Variants in PCDHGA7 observed in about 807,000 individuals in gnomAD.
PCDHGA7 encodes protocadherin gamma-A7.
Under a neutral mutation model 58.3 loss-of-function variants are expected in PCDHGA7, and 44 were observed. The observed-to-expected ratio is 0.75, with a 90% confidence interval of 0.59 to 0.97. PCDHGA7 has a LOEUF of 0.97. Among genes scored for constraint, PCDHGA7 ranks in the 50% least tolerant of loss-of-function variants. The probability of loss-of-function intolerance (pLI) is 0.00; values close to 1 mark genes in which losing one functional copy is unlikely to be tolerated. For synonymous variants in PCDHGA7, 516 were observed against 504.2 expected, an observed-to-expected ratio of 1.02 and a Z score of -0.31; for missense variants, 1,266 against 1,188.7, an observed-to-expected ratio of 1.06 and a Z score of -0.96.
chr5:141,489,254 C>T lies in PCDHGA7; in HGVS notation c.2425-5553C>T, dbSNP rs2099684538. 2 of 1,548,628 alleles carry T rather than the reference C, an allele frequency of 1.3e-6. No homozygotes were observed. Among genetic ancestry groups the T allele is most frequent in the African/African-American group, 1.4e-5 (1 of 73,008 alleles). ...GACTTCTGGGTCATGGGGCCCAAGA[C>T]ACTCCCACAGCTCGCTGGGAAATGG... is the stretch of plus-strand genomic sequence containing the variant. On this transcript the variant is annotated intron_variant, in intron 1 of 3. Transcript: ENST00000518325. This position sits in a 1 kb window ranked among gnomAD's most constrained non-coding sequence, Gnocchi z 4.5.
At chr5:141,389,778 G>A (rs886099464) in intron 1 of PCDHGA7, 3 of 1,613,134 alleles carry the variant, frequency 1.9e-6, no homozygotes, top group Non-Finnish European at 2.5e-6. Flanking sequence ...TGCCTTAGGC[G>A]ACAGGGACGC....
At chr5:141,410,419 T>TC (rs769125626) in intron 1 of PCDHGA7, 49 of 1,613,886 alleles carry the variant, frequency 3.0e-5, no homozygotes, top group Non-Finnish European at 3.6e-5. Context: ...GACCTGTAGT[T>TC]CCCCCCAACT....
Position 141,485,138 on chromosome 5 carries a change from T to A in PCDHGA7, c.2425-9669T>A, listed in dbSNP as rs374309554. On this transcript the variant is annotated intron_variant, in intron 1 of 3. Coordinates refer to ENST00000518325, the MANE Select transcript of PCDHGA7 (RefSeq NM_018920.4). This position sits in a 1 kb window ranked among gnomAD's most constrained non-coding sequence, Gnocchi z 5.7. ...TTGGGGCGGGTCGGCTTCATCCGCG[T>A]CTCAGGAGCAAGTAGAGAATTAGCG... is the stretch of plus-strand genomic sequence containing the variant. 17 of 1,528,690 alleles carry A rather than the reference T, an allele frequency of 1.1e-5. No individual in the cohort carries two copies. The highest frequency in any genetic ancestry group is 1.3e-5 in the Non-Finnish European group (14 of 1,109,458). 94.7% of individuals were successfully genotyped at this position (1,528,690 alleles called of 1,614,324 possible).
chr5:141,408,053 TC>T, intron 1 of PCDHGA7: 1 of 1,288,090 alleles, frequency 7.8e-7, no homozygotes, highest in South Asian at 1.6e-5. Context: ...ACACAGAGCC[TC>T]CCGGCTGCGC....
At chr5:141,405,403 T>A (rs1430892971) in intron 1 of PCDHGA7, 2 of 1,586,108 alleles carry the variant, frequency 1.3e-6, no homozygotes, top group Non-Finnish European at 1.7e-6. Flanking sequence ...TCTTTCTTTC[T>A]TTTCTTTTTT....
At chr5:141,404,315 G>T (rs775576610) in intron 1 of PCDHGA7, 2 of 1,613,886 alleles carry the variant, frequency 1.2e-6, no homozygotes, top group African/African-American at 2.7e-5. Context: ...TTTCTCTCAA[G>T]CCTCCTACTC....
chr5:141,431,790 C>T lies in PCDHGA7; in HGVS notation c.2424+46467C>T, dbSNP rs2097417829. On this transcript the variant is annotated intron_variant, in intron 1 of 3. Transcript: ENST00000518325. This position sits in a 1 kb window ranked among gnomAD's most constrained non-coding sequence, Gnocchi z 4.8. The stretch of plus-strand genomic sequence containing the variant: ...ACTGTTCTGGACGTGAACGACAATG[C>T]CCCAGAAGTGGTCCTCACCTCTCTC... 4.3e-6 allele frequency: 7 copies of T among 1,614,186 alleles called. No individual in the cohort carries two copies. The highest frequency in any genetic ancestry group is 5.9e-6 in the Non-Finnish European group (7 of 1,180,016).
chr5:141,455,254 G>T (rs936599726), intron 1 of PCDHGA7, among the ~76,000 whole-genome samples: 3 of 151,732 alleles, frequency 2.0e-5, no homozygotes, highest in African/African-American at 7.3e-5. Context: ...TAGTACAATC[G>T]CATTTCTTCC....
At chr5:141,508,033 C>A (rs1596123382) in intron 3 of PCDHGA7, 1 of 152,290 alleles carries the variant, frequency 6.6e-6, no homozygotes, top group Non-Finnish European at 1.5e-5. Flanking sequence ...GTTTGCAGCT[C>A]AGCCAGCTGT....
At chr5:141,478,256 A>G in intron 1 of PCDHGA7, 6 of 1,614,126 alleles carry the variant, frequency 3.7e-6, no homozygotes, top group Non-Finnish European at 5.1e-6. Flanking sequence ...CGGAGTAATC[A>G]TATTCAAAGT....
rs1461617825 is a variant in PCDHGA7, at chr5:141,431,902, G to A, written c.2424+46579G>A. On this transcript the variant is annotated intron_variant, in intron 1 of 3. Coordinates refer to ENST00000518325, the MANE Select transcript of PCDHGA7 (RefSeq NM_018920.4). This position sits in a 1 kb window ranked among gnomAD's most constrained non-coding sequence, Gnocchi z 4.8. ...ACCAAGATTCTGAGGAAAACGGACA[G>A]GTGATCTGTTTCATCCAAGGAAATC... 1.2e-6 allele frequency: 2 copies of A among 1,613,764 alleles called. No homozygotes were observed. The highest frequency in any genetic ancestry group is 1.3e-5 in the African/African-American group (1 of 74,918).
At chr5:141,393,589 C>T (rs1050679940) in intron 1 of PCDHGA7, 2 of 1,613,920 alleles carry the variant, frequency 1.2e-6, no homozygotes, top group Non-Finnish European at 1.7e-6. Flanking sequence ...CCCCCAGGCA[C>T]GCGGCTGCTT....
chr5:141,403,787 T>A (rs1213408515), intron 1 of PCDHGA7: 3 of 1,613,818 alleles, frequency 1.9e-6, no homozygotes, highest in Non-Finnish European at 2.5e-6. Flanking sequence ...AAAAGTGGCA[T>A]ACAAATTCTG....
In PCDHGA7 at chr5:141,486,661, G is replaced by T. The variant is rs373446844; in HGVS notation, c.2425-8146G>T. ...CGCTTATCTCCTACTCACTCCTGGA[G>T]CCCAGGAATCGAGATGTATCAGCTT... is the stretch of plus-strand genomic sequence containing the variant. On this transcript the variant is annotated intron_variant, in intron 1 of 3. Transcript: ENST00000518325. The surrounding 1 kb of genome is among the most constrained non-coding windows in gnomAD (Gnocchi z 5.0). 6.2e-6 allele frequency: 10 copies of T among 1,613,836 alleles called. No individual in the cohort carries two copies. Among genetic ancestry groups the T allele is most frequent in the African/African-American group, 4.0e-5 (3 of 74,918 alleles).
chr5:141,410,671 C>G (rs771368781), intron 1 of PCDHGA7: 1 of 1,563,260 alleles, frequency 6.4e-7, no homozygotes, highest in South Asian at 1.2e-5. Context: ...ACTAGTTTCT[C>G]ATATTTTAGG....
At chr5:141,470,900 G>A (rs1454085317) in intron 1 of PCDHGA7, among the ~76,000 whole-genome samples, 4 of 151,832 alleles carry the variant, frequency 2.6e-5, no homozygotes, top group African/African-American at 9.7e-5. Context: ...GTTTTTTGTA[G>A]AGATGGGACT....
Position 141,382,956 on chromosome 5 carries a change from C to G in PCDHGA7, c.57C>G (p.Leu19=), listed in dbSNP as rs373364562. The G allele has an allele frequency of 6.2e-7, 1 of 1,606,182 alleles. No homozygotes were observed. The highest frequency in any genetic ancestry group is 8.5e-7 in the Non-Finnish European group (1 of 1,174,638). The stretch of plus-strand genomic sequence containing the variant: ...GAGGATTCTTCCTGCTCTCCATCCT[C>G]CTGGGGACCCCCTGGGAAGCCTGGG... The part of the protein sequence containing the change: ...DYRGFFLLSI[L]LGTPWEAWAG... The change falls in exon 1 of 4, where the codon CTC becomes CTG. Residue 19 remains leucine (L), a synonymous_variant. Transcript: ENST00000518325.
chr5:141,447,208 C>T (rs1226099966), intron 1 of PCDHGA7, among the ~76,000 whole-genome samples: 1 of 152,078 alleles, frequency 6.6e-6, no homozygotes, highest in Non-Finnish European at 1.5e-5. Flanking sequence ...GGCTTGATCT[C>T]GGCTCACTGC....
intron 1 of PCDHGA7, chr5:141,403,461 A>G (rs2094410364): frequency 6.2e-7 from 1 of 1,614,010 alleles, no homozygotes; most frequent in Non-Finnish European, 8.5e-7. Context: ...CTCCAGAGCT[A>G]CCAGCTCAGC....
Sources: gnomAD v4.1 joint callset for allele counts (sites outside exome capture counted in the v4.1 genomes callset) on GRCh38, gnomAD v4.1.1 for gene constraint, Gnocchi (gnomAD v3.1) non-coding constraint, MANE v1.5 for transcripts, NCBI Gene and HGNC (gene_info 2026-07-23, HGNC 2026-07-21) for gene names.